CMC1: variants seen among roughly 807,000 people sequenced by gnomAD.
CMC1 encodes COX assembly mitochondrial protein homolog.
Under a neutral mutation model 14.1 loss-of-function variants are expected in CMC1, and 14 were observed. The observed-to-expected ratio is 0.99, with a 90% CI of 0.66 to 1.55. The LOEUF (loss-of-function observed/expected upper bound fraction) is 1.55, where lower values mean the gene tolerates loss of function less well. Among genes scored for constraint, CMC1 ranks in the 40% most tolerant of loss-of-function variants. The probability of loss-of-function intolerance (pLI) is 0.00; values close to 1 mark genes in which losing one functional copy is unlikely to be tolerated. For missense variants in CMC1, 127 were observed against 123.8 expected (o/e 1.03, Z -0.12); for synonymous variants, 50 against 38.4 (o/e 1.30, Z -1.12).
At chr3:28,241,904 G>GCAATGCTACC in intron 1 of CMC1, 92 bp downstream of exon 1, 1 of 1,185,000 alleles carries the variant, frequency 8.4e-7, no homozygotes, top group Non-Finnish European at 1.1e-6. Flanking sequence ...TGGGAAAGGT[G>GCAATGCTACC]CAGAGCTCTG....
At position 28,244,214 on chromosome 3, in the gene CMC1, TTA is replaced by T. The variant is rs538850801; in HGVS notation, c.19+2404_19+2405del. Among the ~76,000 whole-genome samples, 264 of 152,282 alleles carry T rather than the reference TTA, an allele frequency of 1.7e-3. 1 individual carries two copies. Among genetic ancestry groups the T allele is most frequent in the African/African-American group, 6.2e-3 (258 of 41,552 alleles). On this transcript the variant is annotated intron_variant, in intron 1 of 3. Transcript: ENST00000466830. ...CTTTTAAAGAGGGCAGTAACATAATTTATGTGTTTATTATCCTCGCTACAGTG... is the reference window on the plus strand; with the variant it reads ...CTTTTAAAGAGGGCAGTAACATAATTTGTGTTTATTATCCTCGCTACAGTG...
intron 2 of CMC1, among the ~76,000 whole-genome samples, chr3:28,308,630 G>A (rs1299138282): frequency 2.0e-5 from 3 of 152,042 alleles, no homozygotes; most frequent in Non-Finnish European, 4.4e-5. Context: ...GATTTTTGGA[G>A]GCCTCTAAGA....
chr3:28,279,674 A>G (rs1418824601), intron 2 of CMC1, among the ~76,000 whole-genome samples: 1 of 151,738 alleles, frequency 6.6e-6, no homozygotes, highest in African/African-American at 2.4e-5. Context: ...AAAAACTGAC[A>G]TAAAACTTTT....
intron 2 of CMC1, among the ~76,000 whole-genome samples, chr3:28,269,209 G>T (rs1474326368): frequency 6.6e-6 from 1 of 152,132 alleles, no homozygotes. Flanking sequence ...TATCCCCCAT[G>T]CATAACAGGG....
chr3:28,318,981 T>C (rs867449743), intron 3 of CMC1: 4 of 237,608 alleles, frequency 1.7e-5, no homozygotes, highest in Non-Finnish European at 2.6e-5. Flanking sequence ...GCCCATTCCA[T>C]CTTCATTTCA....
At chr3:28,299,739 A>C (rs1701927558) in intron 2 of CMC1, among the ~76,000 whole-genome samples, 1 of 152,060 alleles carries the variant, frequency 6.6e-6, no homozygotes, top group African/African-American at 2.4e-5. Flanking sequence ...ATTAAAAAAA[A>C]CTCTTAGTTT....
intron 1 of CMC1, among the ~76,000 whole-genome samples, chr3:28,254,694 G>T (rs1387826986): frequency 6.6e-6 from 1 of 152,104 alleles, no homozygotes; most frequent in Non-Finnish European, 1.5e-5. Context: ...ACCATTGGAA[G>T]ATTTATAGAG....
At chr3:28,242,865 G>A (rs1698604191) in intron 1 of CMC1, among the ~76,000 whole-genome samples, 1 of 152,090 alleles carries the variant, frequency 6.6e-6, no homozygotes, top group Non-Finnish European at 1.5e-5. Context: ...GGCTTTGAGG[G>A]ATGGAATTTC....
At chr3:28,277,232 G>A (rs1379088169) in intron 2 of CMC1, among the ~76,000 whole-genome samples, 2 of 152,076 alleles carry the variant, frequency 1.3e-5, no homozygotes, top group Non-Finnish European at 2.9e-5. Context: ...AGTTTATCTG[G>A]TGTCATATTT....
chr3:28,324,709 G>C lies in CMC1; in HGVS notation c.*5080G>C, dbSNP rs1298218989. On this transcript the variant is annotated 3_prime_UTR_variant, in exon 4 of 4. Coordinates refer to ENST00000466830, the MANE Select transcript of CMC1 (RefSeq NM_182523.2). ...TGTCTCTTTCCTTGTCTGCAGAATG[G>C]ATATAGAATTCCTGTCCCAACTATG... The C allele has an allele frequency of 3.0e-6, 1 of 330,046 alleles. No individual in the cohort carries two copies. Among genetic ancestry groups the C allele is most frequent in the Non-Finnish European group, 5.5e-6 (1 of 181,852 alleles). 20.4% of individuals were successfully genotyped at this position (330,046 alleles called of 1,614,324 possible).
intron 3 of CMC1, chr3:28,318,398 A>T (rs550639567): frequency 6.6e-6 from 1 of 151,792 alleles, no homozygotes; most frequent in South Asian, 2.1e-4. Flanking sequence ...TTCCCTGATA[A>T]TATTTTTTCC....
intron 2 of CMC1, among the ~76,000 whole-genome samples, chr3:28,308,418 A>G (rs746246465): frequency 1.3e-5 from 2 of 152,172 alleles, no homozygotes; most frequent in Non-Finnish European, 2.9e-5. Flanking sequence ...TTCTTTTCTT[A>G]TCGTAGTTAT....
At chr3:28,246,926 G>T (rs1309943213) in intron 1 of CMC1, among the ~76,000 whole-genome samples, 1 of 151,422 alleles carries the variant, frequency 6.6e-6, no homozygotes, top group East Asian at 1.9e-4. Flanking sequence ...GTAAGCAAGA[G>T]ATTGCTTTGT....
chr3:28,316,252 T>C (rs900355913), intron 2 of CMC1, 81 bp from the exon 3 acceptor site: 4 of 695,656 alleles, frequency 5.7e-6, no homozygotes, highest in Non-Finnish European at 9.1e-6. Context: ...TTTTTTTTTT[T>C]CTAAAAAGAA....
intron 1 of CMC1, among the ~76,000 whole-genome samples, chr3:28,259,651 C>A (rs2125452880): frequency 6.6e-6 from 1 of 151,918 alleles, no homozygotes; most frequent in Non-Finnish European, 1.5e-5. Context: ...AAGTTTTTTT[C>A]TTTAACTTTT....
chr3:28,258,060 T>TTATATATATATATATATATATATATATA (rs56153777), intron 1 of CMC1, among the ~76,000 whole-genome samples: 12 of 135,420 alleles, frequency 8.9e-5, no homozygotes, highest in African/African-American at 3.2e-4. Context: ...TTGAGCACCT[T>TTATATATATATATATATATATATATATA]TATATATATA....
At chr3:28,241,961 C>T (rs1698546239) in intron 1 of CMC1, 149 bp downstream of exon 1, 4 of 755,972 alleles carry the variant, frequency 5.3e-6, no homozygotes, top group East Asian at 3.4e-5. Context: ...GCGGCTGCTT[C>T]GCCCGGTCTG....
chr3:28,248,748 C>G (rs543254134), intron 1 of CMC1, among the ~76,000 whole-genome samples: 1 of 152,044 alleles, frequency 6.6e-6, no homozygotes, highest in South Asian at 2.1e-4. Flanking sequence ...CTATTGATAC[C>G]CAAGTTAACA....
chr3:28,266,515 T>C lies in CMC1; in HGVS notation c.109+3135T>C, dbSNP rs111387321. Among the ~76,000 whole-genome samples, 174 of 151,916 alleles carry C rather than the reference T, an allele frequency of 1.1e-3. 1 individual carries two copies. Among genetic ancestry groups the C allele is most frequent in the African/African-American group, 4.1e-3 (169 of 41,508 alleles). On this transcript the variant is annotated intron_variant, in intron 2 of 3. Coordinates refer to ENST00000466830, the MANE Select transcript of CMC1 (RefSeq NM_182523.2). ...CACAAAAGTATATGGTTTTTTTTTT[T>C]CCTTTTTCTTTGAAATGGAGTCTCA...
Sources: gnomAD v4.1 joint callset for allele counts (sites outside exome capture counted in the v4.1 genomes callset) on GRCh38, gnomAD v4.1.1 for gene constraint, MANE v1.5 for transcripts, NCBI Gene and HGNC (gene_info 2026-07-23, HGNC 2026-07-21) for gene names.